Variants in FBXO9 observed in about 807,000 individuals in gnomAD.
The protein encoded by FBXO9 is F-box only protein 9.
FBXO9 carries 43 observed loss-of-function variants against 63.7 expected under a neutral mutation model. The ratio of observed to expected loss-of-function variants is 0.67; its 90% confidence interval spans 0.53 to 0.87. The LOEUF is 0.87. Ranked by LOEUF, FBXO9 falls within the 40% of genes least tolerant of loss-of-function variation. The pLI is 0.00. For synonymous variants in FBXO9, 156 were observed against 171.7 expected, an observed-to-expected ratio of 0.91 and a Z score of 0.72; for missense variants, 442 against 533.2, an observed-to-expected ratio of 0.83 and a Z score of 1.68.
At chr6:53,080,374 C>T (rs1314632241) in intron 5 of FBXO9, among the ~76,000 whole-genome samples, 1 of 151,784 alleles carries the variant, frequency 6.6e-6, no homozygotes, top group East Asian at 1.9e-4. Flanking sequence ...CGCCTTCATC[C>T]AATCCTCTTT....
At chr6:53,091,468 A>T (rs565085817) in intron 7 of FBXO9, 1 of 152,098 alleles carries the variant, frequency 6.6e-6, no homozygotes, top group African/African-American at 2.4e-5. Flanking sequence ...TCCCAGGTTC[A>T]AGCAATTCTC....
intron 4 of FBXO9, among the ~76,000 whole-genome samples, chr6:53,077,534 T>C (rs1769162990): frequency 6.6e-6 from 1 of 151,040 alleles, no homozygotes; most frequent in East Asian, 1.9e-4. Context: ...CAGCTTTGTG[T>C]CTTTTATTAA....
At chr6:53,093,200 A>C (rs1185928749) in intron 9 of FBXO9, 1 of 410,508 alleles carries the variant, frequency 2.4e-6, no homozygotes, top group Non-Finnish European at 4.3e-6. Flanking sequence ...ACAGAACTTT[A>C]ATAAAACAAT....
At chr6:53,087,958 A>G (rs142275630) in intron 7 of FBXO9, among the ~76,000 whole-genome samples, 2 of 152,314 alleles carry the variant, frequency 1.3e-5, no homozygotes, top group South Asian at 2.1e-4. Flanking sequence ...CACAACTTAT[A>G]TTGATGACAT....
At chr6:53,074,615 C>A in intron 3 of FBXO9, among the ~76,000 whole-genome samples, 1 of 152,166 alleles carries the variant, frequency 6.6e-6, no homozygotes, top group East Asian at 1.9e-4. Flanking sequence ...TTATATACTC[C>A]CTTTCCCTAG....
intron 2 of FBXO9, among the ~76,000 whole-genome samples, chr6:53,072,430 G>T (rs928768677): frequency 1.2e-4 from 18 of 152,202 alleles, no homozygotes; most frequent in African/African-American, 4.3e-4. Context: ...CAGCTGCAAT[G>T]CAGTCTTAAT....
intron 2 of FBXO9, among the ~76,000 whole-genome samples, chr6:53,073,143 T>C (rs1768976702): frequency 6.6e-6 from 1 of 152,202 alleles, no homozygotes; most frequent in Non-Finnish European, 1.5e-5. Flanking sequence ...TACTAGATGA[T>C]ATAGTCATTA....
At chr6:53,097,012 A>T (rs868435051) in intron 12 of FBXO9, among the ~76,000 whole-genome samples, 58 of 152,312 alleles carry the variant, frequency 3.8e-4, no homozygotes, top group African/African-American at 1.4e-3. Flanking sequence ...ATTTAGGAGA[A>T]AAAAGGACAT....
intron 1 of FBXO9, 164 bp downstream of exon 1, chr6:53,065,956 G>C (rs1768680779): frequency 8.6e-7 from 1 of 1,161,640 alleles, no homozygotes; most frequent in Admixed American, 4.2e-5. Context: ...GTGCGTCGGG[G>C]GGCGGGGGGT....
rs1429960785 is a variant in FBXO9, at chr6:53,065,655, C to T, written c.-135C>T. The T allele has an allele frequency of 1.8e-6, 2 of 1,099,498 alleles. No individual in the cohort carries two copies. The highest frequency in any genetic ancestry group is 2.4e-6 in the Non-Finnish European group (2 of 845,190). The allele number at this position is 1,099,498 out of a possible 1,614,324, so 68.1% of individuals were successfully genotyped here. A position where few individuals can be genotyped will look rare whatever the true frequency, so the allele number is the denominator to read the frequency against. On this transcript the variant is annotated 5_prime_UTR_variant, in exon 1 of 13. Coordinates refer to ENST00000323557, the MANE Select transcript of FBXO9 (RefSeq NM_033480.3). ...ATTGCCGCTGCCTGGTGCGCTTCTC[C>T]GACCGAGAACTCTGCTAAGCTCCGC...
chr6:53,093,428 G>A (rs369740577), intron 9 of FBXO9, 38 bp from the exon 10 acceptor site: 9 of 1,381,984 alleles, frequency 6.5e-6, no homozygotes, highest in South Asian at 3.5e-5. Context: ...TACTTTGTGT[G>A]GGGGGTGTGT....
In FBXO9 at chr6:53,071,550, T is replaced by C. The variant is rs557104524; in HGVS notation, c.90+407T>C. ...CATCTCATTACATAGAGCACTCATA[T>C]ATTTGGAAGAACAGAGGATAAAAAG... On this transcript the variant is annotated intron_variant, in intron 2 of 12. Coordinates refer to ENST00000323557, the MANE Select transcript of FBXO9 (RefSeq NM_033480.3). Among the ~76,000 whole-genome samples the C allele has an allele frequency of 4.6e-5, 7 of 152,352 alleles. No homozygotes were observed. In the South Asian group the frequency reaches 1.4e-3, roughly 32 times the overall value.
At chr6:53,093,851 C>T (rs1248056590) in intron 10 of FBXO9, 34 bp from the exon 11 acceptor site, 8 of 1,447,674 alleles carry the variant, frequency 5.5e-6, no homozygotes, top group Non-Finnish European at 7.5e-6. Context: ...CACTTAATAA[C>T]TGATTTAGAT....
chr6:53,099,748 GAA>G lies in FBXO9; in HGVS notation c.*1925_*1926del. The G allele has an allele frequency of 6.6e-6, 1 of 151,740 alleles. No individual in the cohort carries two copies. The highest frequency in any genetic ancestry group is 1.5e-5 in the Non-Finnish European group (1 of 67,916). The allele number at this position is 151,740 out of a possible 1,614,324, so 9.4% of individuals were successfully genotyped here. A position where few individuals can be genotyped will look rare whatever the true frequency, so the allele number is the denominator to read the frequency against. ...GAAAGCGAGACCCTGTCTCAAAAAAGAAAAAAAAGAGAGGTTGGCCTTTTGTA... is the reference window on the plus strand; with the variant it reads ...GAAAGCGAGACCCTGTCTCAAAAAAGAAAAAAGAGAGGTTGGCCTTTTGTA... On this transcript the variant is annotated 3_prime_UTR_variant, in exon 13 of 13. Transcript: ENST00000323557.
At chr6:53,066,469 G>T (rs759826165) in intron 1 of FBXO9, among the ~76,000 whole-genome samples, 5 of 152,218 alleles carry the variant, frequency 3.3e-5, no homozygotes, top group Non-Finnish European at 2.9e-5. Flanking sequence ...TCTGCCCTAT[G>T]CCTTTCTTTG....
intron 7 of FBXO9, chr6:53,091,819 G>C (rs957986429): frequency 6.6e-6 from 1 of 152,464 alleles, no homozygotes; most frequent in African/African-American, 2.4e-5. Flanking sequence ...TGGTCTTCCT[G>C]TTTCCACTCT....
At chr6:53,069,064 A>C (rs1326041326) in intron 1 of FBXO9, among the ~76,000 whole-genome samples, 2 of 152,184 alleles carry the variant, frequency 1.3e-5, no homozygotes, top group Non-Finnish European at 2.9e-5. Context: ...GGATCTTTGG[A>C]GCTCAGGAGT....
intron 1 of FBXO9, 163 bp downstream of exon 1, chr6:53,065,955 G>T: frequency 1.7e-6 from 2 of 1,161,764 alleles, no homozygotes; most frequent in Non-Finnish European, 2.2e-6. Context: ...AGTGCGTCGG[G>T]GGGCGGGGGG....
At chr6:53,072,543 T>C (rs1768959374) in intron 2 of FBXO9, among the ~76,000 whole-genome samples, 2 of 152,174 alleles carry the variant, frequency 1.3e-5, no homozygotes, top group Admixed American at 6.5e-5. Flanking sequence ...TGATCAGTCA[T>C]TGGGTGGGGA....
Sources: gnomAD v4.1 joint callset for allele counts (sites outside exome capture counted in the v4.1 genomes callset) on GRCh38, gnomAD v4.1.1 for gene constraint, MANE v1.5 for transcripts, NCBI Gene and HGNC (gene_info 2026-07-23, HGNC 2026-07-21) for gene names.